CBR4: variants seen among roughly 807,000 people sequenced by gnomAD.
CBR4 encodes the protein 3-oxoacyl-[acyl-carrier-protein] reductase.
In CBR4, 22 loss-of-function variants were observed where a neutral mutation model predicts 21.0. The ratio of observed to expected loss-of-function variants is 1.05; its 90% CI spans 0.75 to 1.50. The LOEUF is 1.50. Among genes scored for constraint, CBR4 ranks in the 40% most tolerant of loss-of-function variants. The pLI is 0.00. For missense variants in CBR4, 302 were observed against 286.3 expected, an observed-to-expected ratio of 1.05 and a Z score of -0.40; for synonymous variants, 100 against 104.4, an observed-to-expected ratio of 0.96 and a Z score of 0.26.
intron 3 of CBR4, among the ~76,000 whole-genome samples, chr4:169,006,496 T>C (rs565201890): frequency 1.3e-5 from 2 of 152,342 alleles, no homozygotes; most frequent in East Asian, 1.9e-4. Context: ...ACAATGAAGC[T>C]GGATATCATT....
chr4:169,006,890 C>A lies in CBR4; in HGVS notation c.265G>T (p.Asp89Tyr). 6.2e-7 allele frequency: 1 copy of A among 1,610,716 alleles called. No homozygotes were observed. Among genetic ancestry groups the A allele is most frequent in the Admixed American group, 1.7e-5 (1 of 59,964 alleles). The change falls in exon 3 of 5, where the codon GAT (aspartate) becomes TAT (tyrosine). Residue 89 changes from aspartate (D) to tyrosine (Y), a missense_variant and splice_region_variant. Transcript: ENST00000306193. The part of the protein sequence containing the change: ...FLVNAAGINR[D>Y]GLLVRTKTED... ...GTTTTTGTTCTTACTAAAAGACCAT[C>A]CCTACAAAAAGAAACAGCATATAAT...
intron 2 of CBR4, among the ~76,000 whole-genome samples, chr4:168,946,651 A>G (rs1560957345): frequency 6.6e-6 from 1 of 152,236 alleles, no homozygotes; most frequent in Non-Finnish European, 1.5e-5. Flanking sequence ...CTATGTTAGC[A>G]TGTAACGGGT....
intron 2 of CBR4, among the ~76,000 whole-genome samples, chr4:168,972,925 C>T (rs1764254400): frequency 6.6e-6 from 1 of 152,192 alleles, no homozygotes; most frequent in Non-Finnish European, 1.5e-5. Flanking sequence ...TCATAGATGG[C>T]TTTTATTACC....
chr4:168,970,816 G>T (rs1396767699), intron 2 of CBR4, among the ~76,000 whole-genome samples: 4 of 147,226 alleles, frequency 2.7e-5, no homozygotes, highest in Non-Finnish European at 6.0e-5. Flanking sequence ...CCTTTTTATG[G>T]CTGAGTAGTA....
chr4:168,918,913 G>A (rs565083771), intron 2 of CBR4, among the ~76,000 whole-genome samples: 5 of 151,984 alleles, frequency 3.3e-5, no homozygotes, highest in Admixed American at 6.5e-5. Flanking sequence ...TTAATTTTAC[G>A]TGTAAAATGG....
At chr4:168,905,138 GTTTTTTTTTT>G (rs777740588) in intron 2 of CBR4, among the ~76,000 whole-genome samples, 2 of 34,524 alleles carry the variant, frequency 5.8e-5, no homozygotes, top group East Asian at 1.9e-3. Flanking sequence ...TGTTTTGTTG[GTTTTTTTTTT>G]TTTTTTTTTT....
intron 2 of CBR4, among the ~76,000 whole-genome samples, chr4:168,895,813 A>G (rs1755001498): frequency 6.6e-6 from 1 of 152,234 alleles, no homozygotes; most frequent in Non-Finnish European, 1.5e-5. Flanking sequence ...AATAGAAAAT[A>G]TTATCTCTTT....
chr4:169,006,040 T>C, intron 3 of CBR4: 2 of 516,186 alleles, frequency 3.9e-6, no homozygotes, highest in South Asian at 1.6e-5. Flanking sequence ...CTCCACAGCT[T>C]ATCTGCCCTG....
chr4:168,924,483 A>C, intron 2 of CBR4: 1 of 1,413,470 alleles, frequency 7.1e-7, no homozygotes, highest in Non-Finnish European at 1.0e-6. Context: ...ATCAAAAGAT[A>C]CATTTTATAT....
rs587780198 is a variant in CBR4 at position 168,903,811 on chromosome 4, A to G, written n.170-9046T>C. Reference sequence around the variant, plus strand: ...CTCTCCAAAGAGTGATCACTACACCATTCAAAGAGATCTCGATGGGACCTG... The same window carrying G: ...CTCTCCAAAGAGTGATCACTACACCGTTCAAAGAGATCTCGATGGGACCTG... On this transcript the variant is annotated intron_variant and non_coding_transcript_variant, in intron 2 of 3. Coordinates refer to the CBR4 transcript ENST00000509108. The G allele has an allele frequency of 6.2e-7, 1 of 1,611,500 alleles. No individual in the cohort carries two copies. Among genetic ancestry groups the G allele is most frequent in the Non-Finnish European group, 8.5e-7 (1 of 1,177,624 alleles).
chr4:168,953,581 G>A (rs1444222814), intron 2 of CBR4, among the ~76,000 whole-genome samples: 2 of 151,254 alleles, frequency 1.3e-5, no homozygotes, highest in Non-Finnish European at 2.9e-5. Context: ...TGCACCACCT[G>A]CAAAGCTAAT....
At chr4:168,906,197 A>G (rs967204213) in intron 2 of CBR4, among the ~76,000 whole-genome samples, 1 of 152,124 alleles carries the variant, frequency 6.6e-6, no homozygotes, top group Non-Finnish European at 1.5e-5. Flanking sequence ...GTCCTTACGT[A>G]TTTGCCAACA....
chr4:168,958,983 ACTTT>A (rs1368722109), intron 2 of CBR4, among the ~76,000 whole-genome samples: 1 of 151,932 alleles, frequency 6.6e-6, no homozygotes, highest in African/African-American at 2.4e-5. Context: ...CTAGTCTGTG[ACTTT>A]CTTTTTCATT....
chr4:168,896,472 T>G (rs1755197317), intron 2 of CBR4: 3 of 879,640 alleles, frequency 3.4e-6, no homozygotes, highest in Non-Finnish European at 1.8e-6. Flanking sequence ...AAGTTTCACT[T>G]AAGGAAAATT....
chr4:168,956,755 G>A (rs775903096), intron 2 of CBR4, among the ~76,000 whole-genome samples: 51 of 152,102 alleles, frequency 3.4e-4, no homozygotes, highest in Non-Finnish European at 5.6e-4. Context: ...TGAGGAAACA[G>A]GCTTAGAGAA....
At chr4:168,939,188 G>A (rs1763193146) in intron 2 of CBR4, among the ~76,000 whole-genome samples, 1 of 152,072 alleles carries the variant, frequency 6.6e-6, no homozygotes, top group South Asian at 2.1e-4. Context: ...CAGAATCAAT[G>A]ACAAAAACCA....
chr4:168,913,887 T>A (rs1759571194), intron 2 of CBR4: 1 of 1,343,910 alleles, frequency 7.4e-7, no homozygotes, highest in East Asian at 2.3e-5. Flanking sequence ...TGGTTAATAG[T>A]TTTAAATAGC....
intron 2 of CBR4, chr4:168,898,388 G>A (rs1755721721): frequency 1.3e-6 from 1 of 764,062 alleles, no homozygotes; most frequent in African/African-American, 1.7e-5. Context: ...TAAGCTGTAT[G>A]GTAAAAATAT....
intron 2 of CBR4, among the ~76,000 whole-genome samples, chr4:168,957,344 C>T (rs1485113218): frequency 6.6e-6 from 1 of 151,962 alleles, no homozygotes; most frequent in South Asian, 2.1e-4. Flanking sequence ...TGACTAGTCA[C>T]TACAAGACTA....
Sources: allele counts gnomAD v4.1 joint callset (sites outside exome capture counted in the v4.1 genomes callset), GRCh38; gene constraint gnomAD v4.1.1; transcripts MANE v1.5; gene names NCBI Gene and HGNC (gene_info 2026-07-23, HGNC 2026-07-21).